The following TANC2 variants were observed in gnomAD, a reference collection of about 807,000 sequenced individuals.
The protein encoded by TANC2 is tetratricopeptide repeat, ankyrin repeat and coiled-coil containing 2.
A neutral mutation model predicts 210.5 loss-of-function variants in TANC2; 26 were observed. The observed-to-expected ratio is 0.12, with a 90% CI of 0.09 to 0.17. The LOEUF (loss-of-function observed/expected upper bound fraction) is 0.17, where lower values mean the gene tolerates loss of function less well. TANC2 is among the 10% of genes least tolerant of loss of function. The pLI, the probability that TANC2 is intolerant of heterozygous loss-of-function variation, is 1.00. For missense variants in TANC2, 2,129 were observed against 2,608.9 expected, an observed-to-expected ratio of 0.82 and a Z score of 4.01; for synonymous variants, 931 against 967.1, an observed-to-expected ratio of 0.96 and a Z score of 0.69.
chr17:63,275,941 A>G (rs1451902116), intron 9 of TANC2, among the ~76,000 whole-genome samples: 4 of 152,106 alleles, frequency 2.6e-5, no homozygotes, highest in Non-Finnish European at 5.9e-5. Context: ...CTCTTAACCT[A>G]TTTTGATGTT....
rs201836320 is a variant in TANC2 at position 63,068,487 on chromosome 17, CAT to C, written c.68-5455_68-5454del. Among the ~76,000 whole-genome samples, 1,401 of 152,192 alleles carry C rather than the reference CAT, an allele frequency of 9.2e-3. 22 individuals carry two copies. The highest frequency in any genetic ancestry group is 0.032 in the African/African-American group (1,344 of 41,550). ...GGAGCTTATATACAAGCAGATTAGACATGTGCTATAGGAAATGGTTCATTGCA... is the reference window on the plus strand; with the variant it reads ...GGAGCTTATATACAAGCAGATTAGACGTGCTATAGGAAATGGTTCATTGCA... On this transcript the variant is annotated intron_variant, in intron 2 of 27. Transcript: ENST00000689528.
chr17:63,063,450 A>C (rs1362668948), intron 2 of TANC2, among the ~76,000 whole-genome samples: 1 of 151,622 alleles, frequency 6.6e-6, no homozygotes, highest in Non-Finnish European at 1.5e-5. Context: ...CCAAGAATTA[A>C]CTCATTAGAA....
intron 9 of TANC2, among the ~76,000 whole-genome samples, chr17:63,283,520 G>GGAT (rs1288694105): frequency 6.6e-6 from 1 of 151,714 alleles, no homozygotes; most frequent in Non-Finnish European, 1.5e-5. Context: ...TTGGATGGAT[G>GGAT]GATGGATGGA....
intron 2 of TANC2, among the ~76,000 whole-genome samples, chr17:63,028,632 T>C (rs751245395): frequency 1.3e-5 from 2 of 152,144 alleles, no homozygotes; most frequent in Non-Finnish European, 2.9e-5. Context: ...AGCTTTTACA[T>C]TGGAGTTTCA....
intron 4 of TANC2, among the ~76,000 whole-genome samples, chr17:63,102,987 A>G (rs945138500): frequency 3.3e-5 from 5 of 152,224 alleles, no homozygotes; most frequent in Admixed American, 1.3e-4. Context: ...GATTTGAAGT[A>G]TACAGAAATA....
chr17:63,075,955 AG>A (rs1319473728), intron 3 of TANC2, among the ~76,000 whole-genome samples: 1 of 152,218 alleles, frequency 6.6e-6, no homozygotes, highest in Non-Finnish European at 1.5e-5. Flanking sequence ...AAGGATTGGA[AG>A]GAGAAAGTAT....
chr17:63,272,864 C>G (rs1360715164), intron 9 of TANC2, among the ~76,000 whole-genome samples: 1 of 152,040 alleles, frequency 6.6e-6, no homozygotes, highest in Non-Finnish European at 1.5e-5. Flanking sequence ...GGATGTATGT[C>G]CAAAGAACAT....
intron 9 of TANC2, among the ~76,000 whole-genome samples, chr17:63,304,179 GTT>G (rs2044820459): frequency 6.6e-6 from 1 of 151,996 alleles, no homozygotes; most frequent in Non-Finnish European, 1.5e-5. Flanking sequence ...GGCCTTTTGA[GTT>G]TTCAGCATTT....
At chr17:63,196,535 C>T (rs185528087) in intron 6 of TANC2, among the ~76,000 whole-genome samples, 1 of 152,270 alleles carries the variant, frequency 6.6e-6, no homozygotes, top group Admixed American at 6.5e-5. Flanking sequence ...CATAAAGTCA[C>T]AAGTCTATGG....
intron 1 of TANC2, among the ~76,000 whole-genome samples, chr17:62,995,842 CCTAG>C (rs544822216): frequency 5.0e-4 from 76 of 152,274 alleles, no homozygotes; most frequent in African/African-American, 1.7e-3. Context: ...CGCCGGTAGT[CCTAG>C]CTACTCCGAG....
Position 63,350,203 on chromosome 17 carries a change from C to T in TANC2, c.1808-1047C>T, listed in dbSNP as rs183302737. Among the ~76,000 whole-genome samples, 73 of 152,252 alleles carry T rather than the reference C, an allele frequency of 4.8e-4. No homozygotes were observed. In the Middle Eastern group the frequency reaches 0.014, roughly 28 times the overall value. On this transcript the variant is annotated intron_variant, in intron 12 of 27. Coordinates refer to ENST00000689528, the Ensembl canonical transcript of TANC2. ...AGGCAAAAATAGCCAATTTTGTATG[C>T]AAGTCCACAGACATTTTCTTCTGTC...
chr17:63,058,579 A>G (rs553235506), intron 2 of TANC2, among the ~76,000 whole-genome samples: 2 of 152,264 alleles, frequency 1.3e-5, no homozygotes, highest in African/African-American at 4.8e-5. Flanking sequence ...TCTTTACTCA[A>G]TCTTGAATTG....
intron 2 of TANC2, among the ~76,000 whole-genome samples, chr17:63,045,102 A>G (rs1203686000): frequency 6.6e-6 from 1 of 152,342 alleles, no homozygotes; most frequent in East Asian, 1.9e-4. Context: ...TATCAACATT[A>G]CAAAAAATTC....
chr17:63,039,940 A>G (rs1024192983), intron 2 of TANC2, among the ~76,000 whole-genome samples: 1 of 152,148 alleles, frequency 6.6e-6, no homozygotes, highest in Non-Finnish European at 1.5e-5. Context: ...TGTGAAGGTT[A>G]TATCTATTAA....
At chr17:62,974,540 T>G (rs2031892714) in intron 1 of TANC2, among the ~76,000 whole-genome samples, 1 of 152,174 alleles carries the variant, frequency 6.6e-6, no homozygotes, top group Non-Finnish European at 1.5e-5. Flanking sequence ...TATTAACATA[T>G]TCATTCATTT....
At chr17:63,359,559 G>A (rs1468616017) in intron 14 of TANC2, among the ~76,000 whole-genome samples, 1 of 151,808 alleles carries the variant, frequency 6.6e-6, no homozygotes, top group Non-Finnish European at 1.5e-5. Context: ...ATTTGGCCAG[G>A]CTGGTCTCGT....
At chr17:63,298,209 A>T (rs187592102) in intron 9 of TANC2, among the ~76,000 whole-genome samples, 1 of 152,210 alleles carries the variant, frequency 6.6e-6, no homozygotes, top group African/African-American at 2.4e-5. Flanking sequence ...TTAAGTATCT[A>T]CCACAAAGAA....
At chr17:63,139,903 C>G (rs1295746456) in intron 4 of TANC2, among the ~76,000 whole-genome samples, 9 of 152,136 alleles carry the variant, frequency 5.9e-5, no homozygotes, top group Non-Finnish European at 1.3e-4. Flanking sequence ...GACCCTATCT[C>G]AAGAAAGAAA....
intron 1 of TANC2, among the ~76,000 whole-genome samples, chr17:62,987,305 C>T (rs995585609): frequency 1.6e-4 from 24 of 152,236 alleles, no homozygotes; most frequent in African/African-American, 3.1e-4. Context: ...ATGGAGCCCC[C>T]GTGCTGGAGA....
Sources: gnomAD v4.1 joint callset for allele counts (sites outside exome capture counted in the v4.1 genomes callset) on GRCh38, gnomAD v4.1.1 for gene constraint, MANE v1.5 for transcripts, NCBI Gene and HGNC (gene_info 2026-07-23, HGNC 2026-07-21) for gene names.